Variants in PARVA observed in about 807,000 individuals in gnomAD.
PARVA encodes the protein alpha-parvin.
A neutral mutation model predicts 52.6 loss-of-function variants in PARVA; 25 were observed. That is an observed-to-expected ratio of 0.48 (90% CI 0.35 to 0.66). The LOEUF (loss-of-function observed/expected upper bound fraction) is 0.66, where lower values mean the gene tolerates loss of function less well. PARVA is among the 30% of genes least tolerant of loss of function. PARVA has a pLI of 0.01. For missense variants in PARVA, 373 were observed against 450.9 expected (o/e 0.83, Z 1.56); for synonymous variants, 185 against 179.1 (o/e 1.03, Z -0.26).
intron 1 of PARVA, among the ~76,000 whole-genome samples, chr11:12,421,016 C>CTTT (rs10622434): frequency 2.8e-4 from 40 of 142,382 alleles, no homozygotes; most frequent in Admixed American, 4.9e-4. Context: ...CATGTTAGGA[C>CTTT]TTTTTTTTTT....
intron 1 of PARVA, among the ~76,000 whole-genome samples, chr11:12,382,944 A>G (rs12287627): frequency 0.06 from 9,112 of 152,210 alleles, 461 homozygotes; most frequent in African/African-American, 0.12. Flanking sequence ...TTGGTCTTTG[A>G]AATTTGAAAT....
chr11:12,447,956 G>A (rs1940569883), intron 1 of PARVA, among the ~76,000 whole-genome samples: 1 of 152,144 alleles, frequency 6.6e-6, no homozygotes, highest in Non-Finnish European at 1.5e-5. Context: ...GGTTTGTTAT[G>A]AGTTAAAATA....
At chr11:12,381,344 C>A (rs1208336517) in intron 1 of PARVA, among the ~76,000 whole-genome samples, 1 of 152,160 alleles carries the variant, frequency 6.6e-6, no homozygotes, top group Non-Finnish European at 1.5e-5. Flanking sequence ...TGTTCTTGAA[C>A]CTCTCATTCT....
chr11:12,397,725 A>G (rs1294890976), intron 1 of PARVA, among the ~76,000 whole-genome samples: 3 of 152,170 alleles, frequency 2.0e-5, no homozygotes, highest in East Asian at 3.9e-4. Context: ...ATGTTGGTTC[A>G]GACAGGATGT....
intron 1 of PARVA, chr11:12,453,167 G>T: frequency 5.2e-6 from 2 of 382,944 alleles, no homozygotes; most frequent in South Asian, 1.9e-5. Flanking sequence ...TGCATTTGAA[G>T]GGTTTTTATA....
intron 7 of PARVA, 99 bp downstream of exon 7, chr11:12,508,741 T>C: frequency 4.2e-6 from 4 of 958,520 alleles, no homozygotes; most frequent in Non-Finnish European, 6.7e-6. Flanking sequence ...TTTATTGGGA[T>C]TGCAGGAGGG....
intron 7 of PARVA, among the ~76,000 whole-genome samples, chr11:12,511,028 G>A (rs1941496632): frequency 6.6e-6 from 1 of 152,110 alleles, no homozygotes; most frequent in Non-Finnish European, 1.5e-5. Context: ...TCAATGGCAG[G>A]TACATCTTGG....
At chr11:12,401,993 T>G (rs1235597154) in intron 1 of PARVA, among the ~76,000 whole-genome samples, 1 of 152,198 alleles carries the variant, frequency 6.6e-6, no homozygotes, top group African/African-American at 2.4e-5. Flanking sequence ...CACCCATTTA[T>G]AGGGTTGATA....
rs1042746332 is a variant in PARVA, at chr11:12,531,091, G to A, written c.*3166G>A. Among the ~76,000 whole-genome samples, 2 of 152,176 alleles carry A rather than the reference G, an allele frequency of 1.3e-5. No homozygotes were observed. The highest frequency in any genetic ancestry group is 2.9e-5 in the Non-Finnish European group (2 of 68,028). ...GGACTACGAATTTGTAATCCACTAA[G>A]CATCACAAAGGTTACTACATACGCT... On this transcript the variant is annotated 3_prime_UTR_variant, in exon 13 of 13. Transcript: ENST00000334956.
chr11:12,378,334 C>T (rs1034517972), intron 1 of PARVA, among the ~76,000 whole-genome samples: 5 of 152,116 alleles, frequency 3.3e-5, no homozygotes, highest in Non-Finnish European at 5.9e-5. Context: ...TTGTCCATCC[C>T]GAGGGCTGAG....
intron 5 of PARVA, among the ~76,000 whole-genome samples, chr11:12,496,833 A>C (rs1254485473): frequency 1.3e-5 from 2 of 152,242 alleles, no homozygotes; most frequent in Admixed American, 6.5e-5. Context: ...AAGGCTTTGC[A>C]TAGAAACCTC....
intron 4 of PARVA, among the ~76,000 whole-genome samples, chr11:12,482,025 C>T (rs1360195491): frequency 1.3e-5 from 2 of 151,152 alleles, no homozygotes; most frequent in Non-Finnish European, 1.5e-5. Flanking sequence ...AAAAATTAGC[C>T]GGGCATGGTG....
chr11:12,499,054 A>G (rs879447878), intron 5 of PARVA, among the ~76,000 whole-genome samples: 4 of 152,122 alleles, frequency 2.6e-5, no homozygotes, highest in Admixed American at 2.0e-4. Flanking sequence ...ATGTTTCCCA[A>G]CCTATTTCTA....
chr11:12,476,851 T>G (rs975769604), intron 3 of PARVA, among the ~76,000 whole-genome samples: 4 of 152,202 alleles, frequency 2.6e-5, no homozygotes, highest in African/African-American at 9.6e-5. Context: ...TGGCTATTGC[T>G]GTGTTATAAA....
chr11:12,421,516 G>C (rs964453443), intron 1 of PARVA, among the ~76,000 whole-genome samples: 2 of 152,150 alleles, frequency 1.3e-5, no homozygotes, highest in Non-Finnish European at 2.9e-5. Flanking sequence ...GCAGAGTACA[G>C]TTTTGCTGAA....
At position 12,530,365 on chromosome 11, in the gene PARVA, A is replaced by ATTCCTCTTTTGCCTTT. The variant is rs1564872968; in HGVS notation, c.*2440_*2441insTTCCTCTTTTGCCTTT. 5 of 152,210 alleles carry ATTCCTCTTTTGCCTTT rather than the reference A, an allele frequency of 3.3e-5. No homozygotes were observed. The highest frequency in any genetic ancestry group is 7.3e-5 in the Non-Finnish European group (5 of 68,042). The allele number at this position is 152,210 out of a possible 1,614,324, so 9.4% of individuals were successfully genotyped here. On this transcript the variant is annotated 3_prime_UTR_variant, in exon 13 of 13. Transcript: ENST00000334956. ...AAAAGAGGAATCAAGAATAAATAAA[A>ATTCCTCTTTTGCCTTT]CAAACTTAATCTTCATCTTTAAAAA...
intron 1 of PARVA, among the ~76,000 whole-genome samples, chr11:12,423,359 T>G (rs867949456): frequency 2.3e-4 from 35 of 150,400 alleles, no homozygotes; most frequent in African/African-American, 5.4e-4. Flanking sequence ...TTGTTTTTTT[T>G]TTTTTTTTTT....
intron 5 of PARVA, 85 bp downstream of exon 5, chr11:12,496,683 T>C (rs968576164): frequency 3.6e-6 from 5 of 1,403,584 alleles, no homozygotes; most frequent in Non-Finnish European, 4.8e-6. Flanking sequence ...ATCCATAAGC[T>C]TGGCAGGCTT....
At chr11:12,501,182 G>T (rs2135064463) in intron 5 of PARVA, among the ~76,000 whole-genome samples, 1 of 149,050 alleles carries the variant, frequency 6.7e-6, no homozygotes, top group South Asian at 2.2e-4. Context: ...CCAAATGTTG[G>T]CCACAAGCAC....
Sources: allele counts gnomAD v4.1 joint callset (sites outside exome capture counted in the v4.1 genomes callset), GRCh38; gene constraint gnomAD v4.1.1; transcripts MANE v1.5; gene names NCBI Gene and HGNC (gene_info 2026-07-23, HGNC 2026-07-21).